HCN1: variants seen among roughly 807,000 people sequenced by gnomAD.
The protein encoded by HCN1 is potassium/sodium hyperpolarization-activated cyclic nucleotide-gated channel 1.
In HCN1, 13 loss-of-function variants were observed where a neutral mutation model predicts 78.9. The ratio of observed to expected loss-of-function variants is 0.16; its 90% CI spans 0.11 to 0.26. The LOEUF (loss-of-function observed/expected upper bound fraction) is 0.26. HCN1 is among the 10% of genes least tolerant of loss of function. The pLI, the probability that HCN1 is intolerant of heterozygous loss-of-function variation, is 1.00. For synonymous variants in HCN1, 552 were observed against 455.5 expected, an observed-to-expected ratio of 1.21 and a Z score of -2.70; for missense variants, 810 against 1,154.3, an observed-to-expected ratio of 0.70 and a Z score of 4.32.
intron 2 of HCN1, among the ~76,000 whole-genome samples, chr5:45,567,404 T>C (rs1209596582): frequency 1.3e-5 from 2 of 152,000 alleles, no homozygotes; most frequent in Non-Finnish European, 2.9e-5. Context: ...GTGAGGAATA[T>C]CCATAAAAAA....
intron 2 of HCN1, among the ~76,000 whole-genome samples, chr5:45,614,209 C>T (rs527341768): frequency 1.3e-5 from 2 of 152,074 alleles, no homozygotes; most frequent in African/African-American, 2.4e-5. Context: ...TCTTATCTTG[C>T]GGATCAGAAG....
At chr5:45,395,225 G>A (rs548435478) in intron 4 of HCN1, among the ~76,000 whole-genome samples, 31 of 151,982 alleles carry the variant, frequency 2.0e-4, no homozygotes, top group Non-Finnish European at 3.2e-4. Flanking sequence ...AAGCAACAGT[G>A]TAAGAGAAAC....
chr5:45,367,989 C>A (rs555320641), intron 4 of HCN1, among the ~76,000 whole-genome samples: 1 of 151,810 alleles, frequency 6.6e-6, no homozygotes, highest in African/African-American at 2.4e-5. Flanking sequence ...AAGAAATGGA[C>A]CAATAGGTTA....
chr5:45,483,880 T>C (rs1259294125), intron 2 of HCN1, among the ~76,000 whole-genome samples: 3 of 152,166 alleles, frequency 2.0e-5, no homozygotes, highest in African/African-American at 7.2e-5. Context: ...TGGGGAGTCT[T>C]TTCTCATTGC....
chr5:45,416,926 G>A (rs1252969033), intron 3 of HCN1, among the ~76,000 whole-genome samples: 1 of 151,910 alleles, frequency 6.6e-6, no homozygotes, highest in Non-Finnish European at 1.5e-5. Flanking sequence ...CTGTTTTTAA[G>A]TCTTAGTCTT....
At chr5:45,655,920 C>A (rs1745757188) in intron 1 of HCN1, among the ~76,000 whole-genome samples, 1 of 152,032 alleles carries the variant, frequency 6.6e-6, no homozygotes. Flanking sequence ...AAATGTAGTA[C>A]CAAATACTCT....
chr5:45,322,170 A>C (rs1410288732), intron 5 of HCN1, among the ~76,000 whole-genome samples: 2 of 151,888 alleles, frequency 1.3e-5, no homozygotes, highest in African/African-American at 2.4e-5. Context: ...GCTATACAAC[A>C]ATTAATTTAA....
chr5:45,304,531 C>T (rs1262396830), intron 5 of HCN1, among the ~76,000 whole-genome samples: 1 of 151,942 alleles, frequency 6.6e-6, no homozygotes, highest in Non-Finnish European at 1.5e-5. Flanking sequence ...CAAAAATTAG[C>T]TGGGTGTGCT....
At chr5:45,559,578 C>G (rs1221852000) in intron 2 of HCN1, 1 of 152,146 alleles carries the variant, frequency 6.6e-6, no homozygotes, top group Non-Finnish European at 1.5e-5. Context: ...AGAAATGGAG[C>G]CTGAAGATGT....
intron 3 of HCN1, among the ~76,000 whole-genome samples, chr5:45,435,290 T>A (rs1740540839): frequency 6.6e-6 from 1 of 152,122 alleles, no homozygotes; most frequent in African/African-American, 2.4e-5. Context: ...ATTTTATTCT[T>A]CTGATATATC....
chr5:45,266,360 A>G (rs1744856289), intron 7 of HCN1, among the ~76,000 whole-genome samples: 1 of 152,150 alleles, frequency 6.6e-6, no homozygotes, highest in Non-Finnish European at 1.5e-5. Context: ...ATTAATTTAA[A>G]TGTGCAAATT....
At chr5:45,577,273 G>GA (rs1461549667) in intron 2 of HCN1, among the ~76,000 whole-genome samples, 1 of 152,020 alleles carries the variant, frequency 6.6e-6, no homozygotes, top group Non-Finnish European at 1.5e-5. Flanking sequence ...TCAATTGCTA[G>GA]AAATTAGAAC....
chr5:45,493,010 A>T (rs1249595449), intron 2 of HCN1, among the ~76,000 whole-genome samples: 1 of 152,070 alleles, frequency 6.6e-6, no homozygotes, highest in Non-Finnish European at 1.5e-5. Flanking sequence ...TGAACTGTAA[A>T]ATATAGAGAG....
chr5:45,474,712 A>C (rs7706140), intron 2 of HCN1, among the ~76,000 whole-genome samples: 78,016 of 151,620 alleles, frequency 0.51, 21,704 homozygotes, highest in African/African-American at 0.73. Flanking sequence ...TTCTTTTGGT[A>C]ATTTTACTTG....
intron 3 of HCN1, among the ~76,000 whole-genome samples, chr5:45,443,563 A>G (rs931418146): frequency 6.6e-6 from 1 of 152,106 alleles, no homozygotes; most frequent in African/African-American, 2.4e-5. Context: ...TATATAGATA[A>G]GCATTTTTAG....
intron 2 of HCN1, among the ~76,000 whole-genome samples, chr5:45,619,029 C>T (rs1018054828): frequency 4.6e-5 from 7 of 151,962 alleles, no homozygotes; most frequent in African/African-American, 1.7e-4. Flanking sequence ...AAATCTTATT[C>T]CTTCCTGGTA....
At chr5:45,363,807 T>G (rs1484194246) in intron 4 of HCN1, among the ~76,000 whole-genome samples, 2 of 152,060 alleles carry the variant, frequency 1.3e-5, no homozygotes, top group Non-Finnish European at 2.9e-5. Context: ...AAATAAGAAG[T>G]GCCTTTCTCC....
chr5:45,299,797 A>C (rs1745573018), intron 6 of HCN1, among the ~76,000 whole-genome samples: 1 of 152,012 alleles, frequency 6.6e-6, no homozygotes, highest in African/African-American at 2.4e-5. Flanking sequence ...AAAAAGTTTT[A>C]TTATTCTTTC....
chr5:45,349,814 A>T (rs901581083), intron 5 of HCN1, among the ~76,000 whole-genome samples: 1 of 152,146 alleles, frequency 6.6e-6, no homozygotes, highest in Non-Finnish European at 1.5e-5. Context: ...CCCTCCCAAG[A>T]CTAAACCAGG....
Sources: gnomAD v4.1 joint callset for allele counts (sites outside exome capture counted in the v4.1 genomes callset) on GRCh38, gnomAD v4.1.1 for gene constraint, MANE v1.5 for transcripts, NCBI Gene and HGNC (gene_info 2026-07-23, HGNC 2026-07-21) for gene names.